Variants in RAPGEF5 observed in about 807,000 individuals in gnomAD.
RAPGEF5 encodes M-Ras-regulated GEF.
In RAPGEF5, 65 loss-of-function variants were observed where a neutral mutation model predicts 125.2. That is an observed-to-expected ratio of 0.52 (90% CI 0.43 to 0.64). RAPGEF5 has a LOEUF of 0.64. Among genes scored for constraint, RAPGEF5 ranks in the 30% least tolerant of loss-of-function variants. RAPGEF5 has a pLI of 0.00. For synonymous variants in RAPGEF5, 391 were observed against 385.9 expected (o/e 1.01, Z -0.16); for missense variants, 958 against 1,048.1 (o/e 0.91, Z 1.19).
intron 9 of RAPGEF5, among the ~76,000 whole-genome samples, chr7:22,201,657 G>A (rs1785280212): frequency 6.6e-6 from 1 of 152,172 alleles, no homozygotes; most frequent in South Asian, 2.1e-4. Context: ...GCCTATATCA[G>A]TTTACTGTAA....
chr7:22,126,918 C>T (rs945994053), intron 24 of RAPGEF5, among the ~76,000 whole-genome samples: 4 of 152,024 alleles, frequency 2.6e-5, no homozygotes, highest in East Asian at 1.9e-4. Context: ...CCACTGTGGC[C>T]GGCCAACATC....
intron 3 of RAPGEF5, 33 bp downstream of exon 3, chr7:22,315,337 A>G: frequency 6.5e-7 from 1 of 1,528,060 alleles, no homozygotes. Context: ...CCTCAAAGAG[A>G]ATTTCTGACA....
chr7:22,166,871 T>C (rs1334737431), intron 12 of RAPGEF5, among the ~76,000 whole-genome samples, 199 bp downstream of exon 12: 1 of 152,244 alleles, frequency 6.6e-6, no homozygotes. Flanking sequence ...CAACATAGAA[T>C]GTGAAAACAG....
intron 23 of RAPGEF5, among the ~76,000 whole-genome samples, chr7:22,135,691 G>A (rs186037762): frequency 5.9e-5 from 9 of 152,284 alleles, no homozygotes; most frequent in Admixed American, 4.6e-4. Flanking sequence ...CACCATTTGG[G>A]TTCTTTATGC....
intron 9 of RAPGEF5, among the ~76,000 whole-genome samples, chr7:22,202,362 C>G (rs1251297596): frequency 1.3e-5 from 2 of 152,188 alleles, no homozygotes; most frequent in Non-Finnish European, 2.9e-5. Context: ...ACATGGGTTA[C>G]AGGGCTTGCC....
In RAPGEF5 at chr7:22,265,966, T is replaced by C. The variant is rs146747489; in HGVS notation, c.796+998A>G. ...TGCATCCTCCTTCCCATCACCTTTA[T>C]AGCTTCCAGTCTCTATGTCCTCAAC... On this transcript the variant is annotated intron_variant, in intron 7 of 25. Transcript: ENST00000665637. Among the ~76,000 whole-genome samples, 1,317 of 152,284 alleles carry C rather than the reference T, an allele frequency of 8.6e-3. 26 individuals carry two copies. The highest frequency in any genetic ancestry group is 0.029 in the African/African-American group (1,210 of 41,564).
chr7:22,338,307 C>T (rs2128386245), intron 1 of RAPGEF5, among the ~76,000 whole-genome samples: 1 of 152,350 alleles, frequency 6.6e-6, no homozygotes, highest in African/African-American at 2.4e-5. Context: ...CAACTCCCAG[C>T]TCTTAAATCA....
At chr7:22,228,553 G>A (rs762591342) in intron 8 of RAPGEF5, among the ~76,000 whole-genome samples, 23 of 139,116 alleles carry the variant, frequency 1.7e-4, no homozygotes, top group Non-Finnish European at 3.1e-4. Context: ...TGTCACCCAG[G>A]CTGGAGTGCA....
chr7:22,280,775 G>A (rs1156602217), intron 6 of RAPGEF5, among the ~76,000 whole-genome samples: 3 of 152,016 alleles, frequency 2.0e-5, no homozygotes, highest in African/African-American at 7.2e-5. Context: ...CTTGTTTTAT[G>A]TCTGGGAATG....
At chr7:22,313,760 A>G (rs1401735689) in intron 3 of RAPGEF5, among the ~76,000 whole-genome samples, 1 of 152,282 alleles carries the variant, frequency 6.6e-6, no homozygotes, top group Non-Finnish European at 1.5e-5. Flanking sequence ...CTCTACTCAA[A>G]GACTTACACA....
chr7:22,123,501 G>A (rs766894617), intron 25 of RAPGEF5, among the ~76,000 whole-genome samples: 2 of 152,166 alleles, frequency 1.3e-5, no homozygotes, highest in Admixed American at 6.5e-5. Context: ...TTGAGCAGAG[G>A]GAAGGGAAAT....
At chr7:22,165,127 G>C (rs573918352) in intron 12 of RAPGEF5, among the ~76,000 whole-genome samples, 8 of 152,206 alleles carry the variant, frequency 5.3e-5, no homozygotes, top group African/African-American at 1.9e-4. Flanking sequence ...AAATGTTTTA[G>C]AGTTCATGGG....
At chr7:22,160,843 G>A (rs1035555258) in intron 13 of RAPGEF5, among the ~76,000 whole-genome samples, 1 of 152,126 alleles carries the variant, frequency 6.6e-6, no homozygotes, top group African/African-American at 2.4e-5. Flanking sequence ...ATTCTGGAAA[G>A]AGAATTCTAG....
rs921586935 is a variant in RAPGEF5 at position 22,332,498 on chromosome 7, A to G, written c.232-14461T>C. Among the ~76,000 whole-genome samples the G allele has an allele frequency of 2.0e-5, 3 of 152,246 alleles. No homozygotes were observed. In the East Asian group the frequency reaches 5.8e-4, roughly 29 times the overall value. Reference sequence around the variant, plus strand: ...AAAATGAGGAGTGTTCCACCTACAGAGAACAGGATGTTCTTCTTTCTGTGA... The same window carrying G: ...AAAATGAGGAGTGTTCCACCTACAGGGAACAGGATGTTCTTCTTTCTGTGA... On this transcript the variant is annotated intron_variant, in intron 1 of 25. Coordinates refer to ENST00000665637, the MANE Select transcript of RAPGEF5 (RefSeq NM_012294.5).
At position 22,299,047 on chromosome 7, in the gene RAPGEF5, T is replaced by C. The variant is rs547371880; in HGVS notation, c.681-7806A>G. Among the ~76,000 whole-genome samples, 6 of 151,914 alleles carry C rather than the reference T, an allele frequency of 3.9e-5. No homozygotes were observed. The South Asian group carries it at 1.2e-3, about 32-fold the overall frequency. ...TTTTTTTTTTTTCAAAGAACCAACT[T>C]AGTTTCATTATTTTTTTTTCTAATT... is the stretch of plus-strand genomic sequence containing the variant. On this transcript the variant is annotated intron_variant, in intron 5 of 25. Coordinates refer to ENST00000665637, the MANE Select transcript of RAPGEF5 (RefSeq NM_012294.5).
At chr7:22,242,733 C>T (rs10243383) in intron 7 of RAPGEF5, among the ~76,000 whole-genome samples, 78,027 of 151,810 alleles carry the variant, frequency 0.51, 20,997 homozygotes, top group East Asian at 0.7. Context: ...AGGCGGATCA[C>T]CTGAGGACAG....
intron 1 of RAPGEF5, among the ~76,000 whole-genome samples, chr7:22,324,947 C>T (rs534507375): frequency 1.3e-5 from 2 of 152,342 alleles, no homozygotes; most frequent in East Asian, 3.9e-4. Context: ...AAAGTTCCTG[C>T]TGCACTTCTC....
At chr7:22,356,711 A>T in intron 1 of RAPGEF5, 119 bp downstream of exon 1, 1 of 459,664 alleles carries the variant, frequency 2.2e-6, no homozygotes, top group Non-Finnish European at 3.0e-6. Context: ...GTCCGGCAGA[A>T]GGGCGTCCCT....
At chr7:22,163,711 T>G (rs1414820066) in intron 12 of RAPGEF5, among the ~76,000 whole-genome samples, 1 of 152,198 alleles carries the variant, frequency 6.6e-6, no homozygotes, top group Non-Finnish European at 1.5e-5. Flanking sequence ...TAAACCAATC[T>G]ATTCTTGTTG....
Sources: gnomAD v4.1 joint callset for allele counts (sites outside exome capture counted in the v4.1 genomes callset) on GRCh38, gnomAD v4.1.1 for gene constraint, MANE v1.5 for transcripts, NCBI Gene and HGNC (gene_info 2026-07-23, HGNC 2026-07-21) for gene names.